The following FAM107B variants were observed in gnomAD, a reference collection of about 807,000 sequenced individuals.
FAM107B encodes protein FAM107B.
Under a neutral mutation model 31.5 loss-of-function variants are expected in FAM107B, and 21 were observed. The observed-to-expected ratio is 0.67, with a 90% CI of 0.47 to 0.96. The LOEUF is 0.96. Among genes scored for constraint, FAM107B ranks in the 40% least tolerant of loss-of-function variants. The pLI is 0.00. For synonymous variants in FAM107B, 157 were observed against 141.5 expected (o/e 1.11, Z -0.78); for missense variants, 452 against 377.1 (o/e 1.20, Z -1.64).
At chr10:14,551,367 A>G (rs937398037) in intron 2 of FAM107B, among the ~76,000 whole-genome samples, 2 of 151,668 alleles carry the variant, frequency 1.3e-5, no homozygotes, top group African/African-American at 4.9e-5. Context: ...CTGGTCTTAA[A>G]CTCCTGACCT....
At chr10:14,621,034 C>G (rs764480580) in intron 2 of FAM107B, among the ~76,000 whole-genome samples, 1 of 152,022 alleles carries the variant, frequency 6.6e-6, no homozygotes, top group Non-Finnish European at 1.5e-5. Context: ...ACAGATTGAC[C>G]TTGTATCTTA....
intron 1 of FAM107B, among the ~76,000 whole-genome samples, chr10:14,704,507 T>C (rs1184483990): frequency 6.6e-6 from 1 of 152,126 alleles, no homozygotes; most frequent in Non-Finnish European, 1.5e-5. Context: ...AATCTACAAA[T>C]TATACAGAGG....
rs1846787884 is a variant in FAM107B, at chr10:14,530,089, A to T, written c.653+243T>A. Reference sequence around the variant, plus strand: ...GAATTTGGAAATACACATCCATTTCAGAAGGGAACCCGTGACTGCAGGAGT... The same window carrying T: ...GAATTTGGAAATACACATCCATTTCTGAAGGGAACCCGTGACTGCAGGAGT... On this transcript the variant is annotated intron_variant, in intron 3 of 4. Coordinates refer to ENST00000181796, the MANE Select transcript of FAM107B (RefSeq NM_031453.4). 1.4e-5 allele frequency: 6 copies of T among 415,988 alleles called. No homozygotes were observed. In the South Asian group the frequency reaches 3.0e-4, roughly 21 times the overall value. The allele number at this position is 415,988 out of a possible 1,614,324, so 25.8% of individuals were successfully genotyped here.
intron 1 of FAM107B, among the ~76,000 whole-genome samples, chr10:14,674,081 C>T (rs1367901618): frequency 6.6e-6 from 1 of 152,146 alleles, no homozygotes; most frequent in East Asian, 1.9e-4. Flanking sequence ...CTATCTCTCA[C>T]CAGATCCAAA....
chr10:14,564,338 C>T (rs576895589), intron 2 of FAM107B, among the ~76,000 whole-genome samples: 32 of 151,946 alleles, frequency 2.1e-4, no homozygotes, highest in African/African-American at 6.8e-4. Flanking sequence ...CTTCCTCTTC[C>T]GGCCACATTT....
At chr10:14,564,028 TTTA>T (rs368261002) in intron 2 of FAM107B, among the ~76,000 whole-genome samples, 3 of 152,268 alleles carry the variant, frequency 2.0e-5, no homozygotes, top group African/African-American at 7.2e-5. Context: ...ATGTAACAGG[TTTA>T]TTATTGTTTG....
chr10:14,619,662 C>A (rs1489184627), intron 2 of FAM107B, among the ~76,000 whole-genome samples: 1 of 121,218 alleles, frequency 8.2e-6, no homozygotes, highest in African/African-American at 3.1e-5. Flanking sequence ...AATTTGAAGG[C>A]TTATTTATCC....
intron 2 of FAM107B, among the ~76,000 whole-genome samples, chr10:14,599,610 C>T (rs768865592): frequency 8.6e-5 from 13 of 152,000 alleles, no homozygotes; most frequent in Non-Finnish European, 1.5e-4. Flanking sequence ...CAAGATCAGC[C>T]GGGGCAACAT....
chr10:14,521,735 A>C (rs185602242), intron 4 of FAM107B, 134 bp downstream of exon 4: 2 of 1,320,122 alleles, frequency 1.5e-6, no homozygotes, highest in East Asian at 4.7e-5. Context: ...CCATTTGCTG[A>C]CATTTGTCTC....
At chr10:14,739,983 A>G (rs1266866624) in intron 1 of FAM107B, among the ~76,000 whole-genome samples, 1 of 152,234 alleles carries the variant, frequency 6.6e-6, no homozygotes, top group Non-Finnish European at 1.5e-5. Context: ...TGCGGAGAAG[A>G]TATAGAGCAA....
At chr10:14,693,338 C>T (rs887448757) in intron 1 of FAM107B, among the ~76,000 whole-genome samples, 8 of 152,056 alleles carry the variant, frequency 5.3e-5, no homozygotes, top group African/African-American at 9.6e-5. Context: ...ACTAGCAGGG[C>T]GTGGTGGTGG....
intron 2 of FAM107B, among the ~76,000 whole-genome samples, chr10:14,544,212 A>G (rs1372572707): frequency 6.6e-6 from 1 of 152,186 alleles, no homozygotes; most frequent in Non-Finnish European, 1.5e-5. Flanking sequence ...TTAAAAAATC[A>G]AGACCCTTGA....
chr10:14,598,260 G>A (rs1180094543), intron 2 of FAM107B, among the ~76,000 whole-genome samples: 1 of 152,150 alleles, frequency 6.6e-6, no homozygotes, highest in Admixed American at 6.5e-5. Flanking sequence ...CCAGTGTCCT[G>A]AACCTCTTCC....
intron 1 of FAM107B, among the ~76,000 whole-genome samples, chr10:14,756,849 T>C (rs1490468565): frequency 6.6e-6 from 1 of 152,172 alleles, no homozygotes; most frequent in Non-Finnish European, 1.5e-5. Context: ...AACGAGATCA[T>C]GTCATTTGCA....
chr10:14,610,318 G>A (rs1213780727), intron 2 of FAM107B, among the ~76,000 whole-genome samples: 1 of 152,026 alleles, frequency 6.6e-6, no homozygotes, highest in Non-Finnish European at 1.5e-5. Flanking sequence ...ACTCCAGCCT[G>A]GGTGACAGAG....
intron 1 of FAM107B, among the ~76,000 whole-genome samples, chr10:14,737,442 G>A (rs1588743555): frequency 2.0e-5 from 3 of 151,968 alleles, no homozygotes; most frequent in Non-Finnish European, 2.9e-5. Flanking sequence ...GTGAGACCCC[G>A]TCTCTACTAA....
chr10:14,594,623 A>T (rs1351799665), intron 2 of FAM107B, among the ~76,000 whole-genome samples: 1 of 152,224 alleles, frequency 6.6e-6, no homozygotes, highest in Non-Finnish European at 1.5e-5. Context: ...GCGTGTGAAG[A>T]AGCAGTAAAG....
chr10:14,715,197 T>A (rs940714331), intron 1 of FAM107B, among the ~76,000 whole-genome samples: 1 of 151,908 alleles, frequency 6.6e-6, no homozygotes, highest in African/African-American at 2.4e-5. Context: ...TATCAAAAAC[T>A]CATTGGCATC....
At chr10:14,703,344 T>C (rs1283979237) in intron 1 of FAM107B, among the ~76,000 whole-genome samples, 35 of 151,056 alleles carry the variant, frequency 2.3e-4, no homozygotes, top group Non-Finnish European at 3.3e-4. Context: ...TTTTTTTTTT[T>C]CTGAGACAGA....
Sources: gnomAD v4.1 joint callset for allele counts (sites outside exome capture counted in the v4.1 genomes callset) on GRCh38, gnomAD v4.1.1 for gene constraint, MANE v1.5 for transcripts, NCBI Gene and HGNC (gene_info 2026-07-23, HGNC 2026-07-21) for gene names.